The following PIGN variants were observed in gnomAD, a reference collection of about 807,000 sequenced individuals.
The protein encoded by PIGN is GPI ethanolamine phosphate transferase 1.
Under a neutral mutation model 125.4 loss-of-function variants are expected in PIGN, and 117 were observed. That is an observed-to-expected ratio of 0.93 (90% CI 0.80 to 1.09). PIGN has a LOEUF of 1.09. PIGN is among the 50% of genes least tolerant of loss of function. The pLI is 0.00. For synonymous variants in PIGN, 392 were observed against 377.8 expected (o/e 1.04, Z -0.44); for missense variants, 1,075 against 1,094.9 (o/e 0.98, Z 0.26).
intron 20 of PIGN, 34 bp downstream of exon 20, chr18:62,105,509 T>TA: frequency 3.2e-6 from 4 of 1,241,184 alleles, no homozygotes; most frequent in Non-Finnish European, 4.6e-6. Flanking sequence ...AAAAAGTGTA[T>TA]TGAAAATAGA....
chr18:62,084,234 T>C (rs1252735758), intron 27 of PIGN, among the ~76,000 whole-genome samples: 1 of 152,236 alleles, frequency 6.6e-6, no homozygotes, highest in Non-Finnish European at 1.5e-5. Flanking sequence ...GGGAACCTTA[T>C]ACTCTTTAGC....
intron 23 of PIGN, among the ~76,000 whole-genome samples, chr18:62,031,241 T>C (rs1168508101): frequency 1.3e-5 from 2 of 152,208 alleles, no homozygotes; most frequent in African/African-American, 2.4e-5. Flanking sequence ...ACATGACTGC[T>C]CCTCATTCGC....
At chr18:62,148,362 A>C (rs144292549) in intron 7 of PIGN, 24 bp from the exon 8 acceptor site, 2 of 1,407,180 alleles carry the variant, frequency 1.4e-6, no homozygotes, top group Admixed American at 2.8e-5. Context: ...ATGAGTTAAA[A>C]ATATTTAGTT....
chr18:62,125,503 A>G (rs75071418), intron 14 of PIGN, among the ~76,000 whole-genome samples: 10,160 of 152,056 alleles, frequency 0.067, 638 homozygotes, highest in African/African-American at 0.16. Flanking sequence ...CCTTGGGGCA[A>G]AGACTTTTTC....
intron 30 of PIGN, among the ~76,000 whole-genome samples, chr18:62,057,556 C>T (rs2145306078): frequency 6.6e-6 from 1 of 152,342 alleles, no homozygotes; most frequent in Middle Eastern, 3.4e-3. Flanking sequence ...CCTCAATCTT[C>T]CTTCTCCCTC....
Position 62,147,096 on chromosome 18 carries a change from T to A in PIGN, c.680A>T (p.Tyr227Phe). The change falls in exon 9 of 31, where the codon TAC (tyrosine) becomes TTC (phenylalanine). Residue 227 changes from tyrosine to phenylalanine, a missense_variant. Transcript: ENST00000640252. ...GHAHRPSSRD[Y>F]KHNIKKVDDG... ...ATCAACTTTTTTAATATTGTGCTTG[T>A]AGTCTCTATTTGTAAAGAAACAGAG... 1 of 1,596,008 alleles carries A rather than the reference T, an allele frequency of 6.3e-7. No individual in the cohort carries two copies. Among genetic ancestry groups the A allele is most frequent in the South Asian group, 1.1e-5 (1 of 89,188 alleles).
chr18:62,085,158 G>A, intron 26 of PIGN, 51 bp downstream of exon 26: 2 of 994,786 alleles, frequency 2.0e-6, no homozygotes, highest in South Asian at 1.5e-5. Context: ...AGAAGTCCCA[G>A]GTTGCATTAT....
chr18:62,167,316 G>A (rs1331525521), intron 1 of PIGN, among the ~76,000 whole-genome samples: 1 of 43,030 alleles, frequency 2.3e-5, no homozygotes, highest in Non-Finnish European at 8.1e-5. Flanking sequence ...GTGTGTGTGT[G>A]TGTGTGTGTG....
At chr18:62,095,785 G>C (rs1199819611) in intron 23 of PIGN, 63 bp downstream of exon 23, 1 of 874,062 alleles carries the variant, frequency 1.1e-6, no homozygotes, top group East Asian at 2.6e-5. Flanking sequence ...TACTAATAGA[G>C]AAAATATCAA....
chr18:62,082,615 T>C, intron 28 of PIGN, 58 bp downstream of exon 28: 1 of 880,254 alleles, frequency 1.1e-6, no homozygotes, highest in Non-Finnish European at 1.8e-6. Flanking sequence ...CTTCGAAAGT[T>C]TACTCTCATC....
intron 8 of PIGN, 52 bp from the exon 9 acceptor site, chr18:62,147,153 T>C: frequency 6.5e-7 from 1 of 1,530,146 alleles, no homozygotes; most frequent in South Asian, 1.3e-5. Flanking sequence ...AGAAATCAAA[T>C]TTATTCAACG....
At chr18:62,079,935 G>A (rs1386567162) in intron 28 of PIGN, among the ~76,000 whole-genome samples, 3 of 151,972 alleles carry the variant, frequency 2.0e-5, no homozygotes, top group Admixed American at 6.6e-5. Context: ...CCCAATAAAA[G>A]TTATTCAATA....
chr18:62,113,741 G>C (rs1431191851), intron 15 of PIGN, among the ~76,000 whole-genome samples: 3 of 151,988 alleles, frequency 2.0e-5, no homozygotes, highest in Non-Finnish European at 4.4e-5. Context: ...GAGAAGAATA[G>C]CTTATCATTT....
intron 30 of PIGN, among the ~76,000 whole-genome samples, chr18:62,065,554 T>C (rs1450651948): frequency 4.0e-5 from 6 of 151,882 alleles, no homozygotes; most frequent in Non-Finnish European, 7.4e-5. Flanking sequence ...CTGGCTAAGA[T>C]GGTGAAACCC....
chr18:62,092,409 C>T (rs768935929), intron 23 of PIGN, among the ~76,000 whole-genome samples: 2 of 151,738 alleles, frequency 1.3e-5, no homozygotes, highest in Non-Finnish European at 2.9e-5. Context: ...ACCCAATGGC[C>T]CAAATACACT....
At chr18:62,110,583 T>A (rs1161167511) in intron 16 of PIGN, among the ~76,000 whole-genome samples, 3 of 152,054 alleles carry the variant, frequency 2.0e-5, no homozygotes, top group Non-Finnish European at 4.4e-5. Context: ...ATCTGGGTAG[T>A]CCTCATTCAA....
intron 23 of PIGN, among the ~76,000 whole-genome samples, chr18:62,031,792 G>A (rs963864876): frequency 6.6e-6 from 1 of 152,132 alleles, no homozygotes; most frequent in African/African-American, 2.4e-5. Context: ...AACAATCAGA[G>A]AAGTGAAAAA....
At chr18:62,160,150 A>G (rs1046165124) in intron 4 of PIGN, among the ~76,000 whole-genome samples, 1 of 152,176 alleles carries the variant, frequency 6.6e-6, no homozygotes, top group Non-Finnish European at 1.5e-5. Context: ...GAGTAAAATG[A>G]TAGGAGGTAA....
At chr18:62,017,828 T>C (rs1000441455) in intron 23 of PIGN, 1 of 151,612 alleles carries the variant, frequency 6.6e-6, no homozygotes, top group Admixed American at 6.6e-5. Flanking sequence ...CTCGGCAACT[T>C]CCTCTTACAT....
Sources: gnomAD v4.1 joint callset for allele counts (sites outside exome capture counted in the v4.1 genomes callset) on GRCh38, gnomAD v4.1.1 for gene constraint, MANE v1.5 for transcripts, NCBI Gene and HGNC (gene_info 2026-07-23, HGNC 2026-07-21) for gene names.